YIF1B: variants seen among roughly 807,000 people sequenced by gnomAD.
YIF1B encodes the protein protein YIF1B.
In YIF1B, 24 loss-of-function variants were observed where a neutral mutation model predicts 34.6. The observed-to-expected ratio is 0.69, with a 90% confidence interval of 0.50 to 0.98. The LOEUF (loss-of-function observed/expected upper bound fraction) is 0.98, where lower values mean the gene tolerates loss of function less well. Among genes scored for constraint, YIF1B ranks in the 50% least tolerant of loss-of-function variants. The pLI is 0.00. For synonymous variants in YIF1B, 186 were observed against 184.8 expected (o/e 1.01, Z -0.05); for missense variants, 368 against 429.4 (o/e 0.86, Z 1.26).
In YIF1B at chr19:38,304,476, G is replaced by C. The variant is rs1478666290; in HGVS notation, c.*876C>G. The C allele has an allele frequency of 1.3e-6, 2 of 1,555,332 alleles. No individual in the cohort carries two copies. The highest frequency in any genetic ancestry group is 1.7e-4 in the Middle Eastern group (1 of 6,014). On this transcript the variant is annotated 3_prime_UTR_variant, in exon 8 of 8. Coordinates refer to ENST00000339413, the MANE Select transcript of YIF1B (RefSeq NM_001039672.3). ...TCAGGGCCGGTCGGAGGCAGGGGCA[G>C]GTCCGGGTCCAAAGGTAAGTCGCCT... is the stretch of plus-strand genomic sequence containing the variant.
upstream of YIF1B, chr19:38,320,227 T>C: frequency 6.2e-7 from 1 of 1,605,178 alleles, no homozygotes; most frequent in Non-Finnish European, 8.5e-7. Context: ...CGCCTGGGAC[T>C]TCGCCTCTGC....
chr19:38,315,583 G>C, intron 1 of YIF1B: 1 of 1,488,424 alleles, frequency 6.7e-7, no homozygotes, highest in East Asian at 2.6e-5. Flanking sequence ...GAAGGGTGGG[G>C]AGCAGGGAAG....
intron 1 of YIF1B, 154 bp downstream of exon 1, chr19:38,315,706 G>A: frequency 6.2e-7 from 1 of 1,608,396 alleles, no homozygotes; most frequent in Non-Finnish European, 8.5e-7. Flanking sequence ...GCCCCCCAAG[G>A]GGCCTCCTAC....
upstream of YIF1B, among the ~76,000 whole-genome samples, chr19:38,318,193 CAA>C (rs35748833): frequency 5.8e-3 from 174 of 29,860 alleles, no homozygotes; most frequent in African/African-American, 0.023. Flanking sequence ...ACTCTTGTCT[CAA>C]AAAAAAAAAA....
chr19:38,315,245 C>CAA (rs76142078), intron 1 of YIF1B, among the ~76,000 whole-genome samples: 10 of 91,134 alleles, frequency 1.1e-4, no homozygotes, highest in African/African-American at 3.3e-4. Flanking sequence ...AACTAGGTCT[C>CAA]AAAAAAAAAA....
upstream of YIF1B, among the ~76,000 whole-genome samples, chr19:38,319,014 G>T (rs1283324058): frequency 6.6e-6 from 1 of 152,242 alleles, no homozygotes; most frequent in East Asian, 1.9e-4. Flanking sequence ...CTAGGCAGGG[G>T]TGGTTGCTTC....
rs527530498 is a variant in YIF1B, at chr19:38,303,927, A to C, written c.*1425T>G. 9.1e-4 allele frequency among the ~76,000 whole-genome samples: 139 copies of C among 152,322 alleles called. No homozygotes were observed. Among genetic ancestry groups the C allele is most frequent in the African/African-American group, 3.1e-3 (129 of 41,576 alleles). ...AAGCTGTATTGTCGCGGTACGCAGG[A>C]AGGCAGGGGCAGCACCTCCCTCTTC... On this transcript the variant is annotated 3_prime_UTR_variant, in exon 8 of 8. Coordinates refer to ENST00000339413, the MANE Select transcript of YIF1B (RefSeq NM_001039672.3).
chr19:38,306,182 G>T (rs535490397), intron 7 of YIF1B, among the ~76,000 whole-genome samples: 1 of 117,732 alleles, frequency 8.5e-6, no homozygotes, highest in African/African-American at 3.3e-5. Context: ...CCAGCTTCCC[G>T]ACAGAGCGAG....
chr19:38,318,073 AT>A (rs1224026179), upstream of YIF1B, among the ~76,000 whole-genome samples: 1 of 150,260 alleles, frequency 6.7e-6, no homozygotes, highest in Non-Finnish European at 1.5e-5. Context: ...GGCATCTATA[AT>A]TCCAGCTACT....
intron 1 of YIF1B, among the ~76,000 whole-genome samples, chr19:38,312,020 C>T (rs1331689633): frequency 6.6e-6 from 1 of 151,810 alleles, no homozygotes; most frequent in South Asian, 2.1e-4. Context: ...TTGCTTGAAC[C>T]GGGACCGGGG....
chr19:38,320,370 C>T (rs938401283), upstream of YIF1B: 3 of 1,289,228 alleles, frequency 2.3e-6, no homozygotes, highest in African/African-American at 4.5e-5. Flanking sequence ...ACCCTTATCC[C>T]AATCCCCTCT....
Position 38,309,257 on chromosome 19 carries a change from C to G in YIF1B, c.369G>C (p.Lys123Asn), listed in dbSNP as rs1397726622. ...GGTAGGGGAAGAACAGCAGGCCCAG[C>G]TTTCTGCCCACATACATGGTGTCCA... ...FAVDTMYVGR[K>N]LGLLFFPYLH... Residue 123 changes from lysine to asparagine, a missense_variant, in exon 3 of 8, where the codon AAG becomes AAC. Around this residue, in one of 3 missense-constraint regions of YIF1B, gnomAD observed 7 missense variants for 24.9 expected, o/e 0.28. Transcript: ENST00000339413. 6.2e-7 allele frequency: 1 copy of G among 1,614,040 alleles called. No homozygotes were observed. Among genetic ancestry groups the G allele is most frequent in the South Asian group, 1.1e-5 (1 of 91,084 alleles).
chr19:38,307,475 A>G lies in YIF1B; in HGVS notation c.742T>C (p.Tyr248His). The change falls in exon 7 of 8, where the codon TAC (tyrosine) becomes CAC (histidine). Residue 248 changes from tyrosine (Y) to histidine (H), a missense_variant. Tyr to His is a moderately conservative substitution (Grantham distance 83, BLOSUM62 2). Transcript: ENST00000339413. ...LMGLLFGKIG[Y>H]YLVLGWCCVA... ...CAGCACCAGCCCAGCACCAGGTAGTAGCCAATCTTCCCGAAGAGCAGGCCC... is the reference window on the plus strand; with the variant it reads ...CAGCACCAGCCCAGCACCAGGTAGTGGCCAATCTTCCCGAAGAGCAGGCCC... The G allele has an allele frequency of 6.2e-7, 1 of 1,613,900 alleles. No individual in the cohort carries two copies. The highest frequency in any genetic ancestry group is 8.5e-7 in the Non-Finnish European group (1 of 1,179,970).
At chr19:38,306,960 C>T (rs746813116) in intron 7 of YIF1B, 5 of 471,614 alleles carry the variant, frequency 1.1e-5, no homozygotes, top group Non-Finnish European at 1.8e-5. Flanking sequence ...GGATTACAAG[C>T]ATGAGCCACC....
Position 38,304,509 on chromosome 19 carries a change from G to C in YIF1B, c.*843C>G. The C allele has an allele frequency of 6.4e-7, 1 of 1,562,608 alleles. No individual in the cohort carries two copies. On this transcript the variant is annotated 3_prime_UTR_variant, in exon 8 of 8. Transcript: ENST00000339413. The stretch of plus-strand genomic sequence containing the variant: ...TCCAAAGGTAAGTCGCCTCATCACC[G>C]GCTGCGGAGGGGCGGGAAGGCTGGG...
intron 7 of YIF1B, chr19:38,306,888 A>T: frequency 2.3e-6 from 1 of 444,208 alleles, no homozygotes; most frequent in Admixed American, 2.6e-5. Flanking sequence ...TCACCGTGTT[A>T]GCCAGGATGG....
Position 38,305,344 on chromosome 19 carries a change from G to A in YIF1B, c.*8C>T. On this transcript the variant is annotated 3_prime_UTR_variant, in exon 8 of 8. Coordinates refer to ENST00000339413, the MANE Select transcript of YIF1B (RefSeq NM_001039672.3). ...CAGCAGCAGCAGCGGGAGGTTCAGC[G>A]GGCGCGCTCACCGCACCAGGTGGAA... 1 of 1,599,256 alleles carries A rather than the reference G, an allele frequency of 6.3e-7. No homozygotes were observed. Among genetic ancestry groups the A allele is most frequent in the Non-Finnish European group, 8.5e-7 (1 of 1,170,322 alleles).
intron 1 of YIF1B, among the ~76,000 whole-genome samples, chr19:38,314,128 C>T (rs1004164346): frequency 2.0e-5 from 3 of 151,764 alleles, no homozygotes; most frequent in East Asian, 3.9e-4. Flanking sequence ...TGGGTTCAAG[C>T]GATTCTCCTG....
chr19:38,315,335 CACA>C, intron 1 of YIF1B: 3 of 1,062,896 alleles, frequency 2.8e-6, no homozygotes, highest in Non-Finnish European at 3.4e-6. Context: ...TCAGGGCTCC[CACA>C]ACATCTCCAT....
Sources: allele counts gnomAD v4.1 joint callset (sites outside exome capture counted in the v4.1 genomes callset), GRCh38; gene constraint gnomAD v4.1.1; regional missense constraint gnomAD v4.1.1; transcripts MANE v1.5; gene names NCBI Gene and HGNC (gene_info 2026-07-23, HGNC 2026-07-21).